The following SPRY3 variants were observed in gnomAD, a reference collection of about 807,000 sequenced individuals.
SPRY3 encodes the protein protein sprouty homolog 3.
Under a neutral mutation model 20.2 loss-of-function variants are expected in SPRY3, and 15 were observed. That is an observed-to-expected ratio of 0.74 (90% CI 0.50 to 1.14). The LOEUF (loss-of-function observed/expected upper bound fraction) is 1.14. Ranked by LOEUF, SPRY3 falls within the 50% of genes most tolerant of loss-of-function variation. The probability of loss-of-function intolerance (pLI) is 0.00; values close to 1 mark genes in which losing one functional copy is unlikely to be tolerated. For synonymous variants in SPRY3, 143 were observed against 136.5 expected, an observed-to-expected ratio of 1.05 and a Z score of -0.33; for missense variants, 364 against 363.9, an observed-to-expected ratio of 1.00 and a Z score of 0.00.
intron 2 of SPRY3, among the ~76,000 whole-genome samples, chrX:155,753,243 A>C (rs55996406): frequency 2.1e-3 from 319 of 152,062 alleles, no homozygotes; most frequent in Non-Finnish European, 4.1e-3. Flanking sequence ...ACCCATTAGA[A>C]GTCACTCACA....
chrX:155,725,772 C>T (rs978579414), intron 2 of SPRY3, among the ~76,000 whole-genome samples: 1 of 152,032 alleles, frequency 6.6e-6, no homozygotes, highest in Non-Finnish European at 1.5e-5. Context: ...AAAAGCAGCT[C>T]CTGGATTCAT....
intron 2 of SPRY3, among the ~76,000 whole-genome samples, chrX:155,666,259 T>G (rs1213023853): frequency 2.7e-5 from 3 of 111,915 alleles, no homozygotes; most frequent in Non-Finnish European, 5.7e-5. Flanking sequence ...AGTATTTTGT[T>G]GTTTTAAAAT....
chrX:155,763,317 G>A (rs2091311688), intron 2 of SPRY3, among the ~76,000 whole-genome samples: 1 of 151,920 alleles, frequency 6.6e-6, no homozygotes, highest in Admixed American at 6.6e-5. Flanking sequence ...AGTATGCAAT[G>A]GTATCATATT....
chrX:155,780,899 A>T (rs1052292912), downstream of SPRY3: 1 of 167,052 alleles, frequency 6.0e-6, no homozygotes, highest in Admixed American at 6.5e-5. Context: ...GTGAAAGAAA[A>T]AAAGCTCTAT....
At chrX:155,653,450 C>G (rs965058314) in intron 1 of SPRY3, among the ~76,000 whole-genome samples, 5 of 111,853 alleles carry the variant, frequency 4.5e-5, no homozygotes, top group Non-Finnish European at 7.5e-5. Context: ...CAACTTCATT[C>G]TTTTGCATGT....
chrX:155,760,771 G>C (rs2091301043), intron 2 of SPRY3, among the ~76,000 whole-genome samples: 1 of 152,076 alleles, frequency 6.6e-6, no homozygotes, highest in South Asian at 2.1e-4. Flanking sequence ...TGCCACTGCT[G>C]ATTTGACAGG....
At chrX:155,673,576 GTTCTCAAATATTCAATGCC>G (rs1420170011) in intron 2 of SPRY3, among the ~76,000 whole-genome samples, 1 of 111,675 alleles carries the variant, frequency 9.0e-6, no homozygotes, top group African/African-American at 3.3e-5. Flanking sequence ...CTGACTACTG[GTTCTCAAATATTCAATGCC>G]TTCAGACTGT....
At chrX:155,758,672 G>C (rs1461915925) in intron 2 of SPRY3, among the ~76,000 whole-genome samples, 8 of 152,128 alleles carry the variant, frequency 5.3e-5, no homozygotes, top group African/African-American at 1.9e-4. Flanking sequence ...CTGGGAGAAA[G>C]AGAATGAGGA....
intron 2 of SPRY3, among the ~76,000 whole-genome samples, chrX:155,667,172 AACAAAACAAAG>A (rs1319077932): frequency 1.8e-5 from 2 of 111,565 alleles, no homozygotes; most frequent in African/African-American, 6.5e-5. Context: ...AGATAAAATG[AACAAAACAAAG>A]TAAGGACAAT....
intron 1 of SPRY3, among the ~76,000 whole-genome samples, chrX:155,641,529 C>T (rs1396218522): frequency 8.7e-6 from 1 of 115,100 alleles, no homozygotes; most frequent in African/African-American, 3.1e-5. Context: ...AAAGCTTCCA[C>T]AGCGTGGAAG....
At position 155,675,541 on chromosome X, in the gene SPRY3, A is replaced by T. The variant is rs141165130; in HGVS notation, c.-282+18516A>T. Among the ~76,000 whole-genome samples, 770 of 111,521 alleles carry T rather than the reference A, an allele frequency of 6.9e-3. 6 individuals carry two copies. Among genetic ancestry groups the T allele is most frequent in the African/African-American group, 0.024 (730 of 30,743 alleles). ...AACATGATTTTCAGTGTCAGGAGAC[A>T]TGATGCAAAGATGGTGGTTCCCCAG... On this transcript the variant is annotated intron_variant, in intron 2 of 3. Coordinates refer to ENST00000675360, the Ensembl canonical transcript of SPRY3.
intron 2 of SPRY3, among the ~76,000 whole-genome samples, chrX:155,763,959 T>C (rs1385568084): frequency 6.6e-6 from 1 of 152,168 alleles, no homozygotes; most frequent in African/African-American, 2.4e-5. Flanking sequence ...CATTACAAAA[T>C]CATAACTCAG....
chrX:155,637,781 G>A (rs1226965479), intron 1 of SPRY3, among the ~76,000 whole-genome samples: 1 of 110,844 alleles, frequency 9.0e-6, no homozygotes, highest in Non-Finnish European at 1.9e-5. Flanking sequence ...TTTTCTTTTT[G>A]CATTTTTATT....
At chrX:155,774,059 C>G in exon 4 of SPRY3, 2 of 1,613,962 alleles carry the variant, frequency 1.2e-6, no homozygotes, top group Non-Finnish European at 1.7e-6. Flanking sequence ...ACTTCTCTCC[C>G]CCGCAGTCTC....
intron 1 of SPRY3, among the ~76,000 whole-genome samples, chrX:155,621,301 A>G (rs781898400): frequency 1.2e-4 from 13 of 112,225 alleles, no homozygotes; most frequent in African/African-American, 4.2e-4. Flanking sequence ...GATTTAAGTC[A>G]AGAAATGCAT....
At chrX:155,716,594 CT>C (rs1008555641) in intron 2 of SPRY3, among the ~76,000 whole-genome samples, 2 of 151,722 alleles carry the variant, frequency 1.3e-5, no homozygotes, top group Non-Finnish European at 2.9e-5. Flanking sequence ...TTTCTTTTTA[CT>C]TTTTTGTTTT....
intron 3 of SPRY3, among the ~76,000 whole-genome samples, chrX:155,772,519 C>T (rs1000480613): frequency 3.9e-5 from 6 of 152,080 alleles, no homozygotes; most frequent in African/African-American, 1.2e-4. Flanking sequence ...CAAATATATA[C>T]TTTATTCATG....
intron 2 of SPRY3, among the ~76,000 whole-genome samples, chrX:155,753,061 G>A (rs1270301354): frequency 6.6e-6 from 1 of 151,848 alleles, no homozygotes; most frequent in Non-Finnish European, 1.5e-5. Flanking sequence ...GGACTAAACA[G>A]TCTCCCAAAT....
intron 3 of SPRY3, 25 bp from the exon 3 acceptor site, chrX:155,773,741 A>T: frequency 9.3e-7 from 1 of 1,071,314 alleles, no homozygotes; most frequent in Non-Finnish European, 1.4e-6. Context: ...GTTCTCATTT[A>T]CTGTTTTTAT....
Sources: gnomAD v4.1 joint callset for allele counts (sites outside exome capture counted in the v4.1 genomes callset) on GRCh38, gnomAD v4.1.1 for gene constraint, MANE v1.5 for transcripts, NCBI Gene and HGNC (gene_info 2026-07-23, HGNC 2026-07-21) for gene names.